The following PDE6A variants were observed in gnomAD, a reference collection of about 807,000 sequenced individuals.
PDE6A encodes the protein phosphodiesterase 6A.
In PDE6A, 84 loss-of-function variants were observed where a neutral mutation model predicts 106.3. That is an observed-to-expected ratio of 0.79 (90% CI 0.66 to 0.95). The LOEUF is 0.95. Ranked by LOEUF, PDE6A falls within the 40% of genes least tolerant of loss-of-function variation. The pLI is 0.00. For missense variants in PDE6A, 1,052 were observed against 1,084.9 expected, an observed-to-expected ratio of 0.97 and a Z score of 0.43; for synonymous variants, 394 against 386.6, an observed-to-expected ratio of 1.02 and a Z score of -0.23.
chr5:149,885,465 C>T (rs779819222), intron 14 of PDE6A, among the ~76,000 whole-genome samples: 2 of 152,234 alleles, frequency 1.3e-5, no homozygotes, highest in Non-Finnish European at 2.9e-5. Context: ...GGTTCAAGGA[C>T]TATGCTTTAT....
chr5:149,881,433 A>G (rs1581163030), intron 17 of PDE6A, among the ~76,000 whole-genome samples: 1 of 152,328 alleles, frequency 6.6e-6, no homozygotes, highest in East Asian at 1.9e-4. Context: ...GAACAAAATC[A>G]TAGCCTTTGC....
At chr5:149,923,513 CATAACATAACATAACATAACAT>C (rs1753783985) in intron 4 of PDE6A, among the ~76,000 whole-genome samples, 1 of 614 alleles carries the variant, frequency 1.6e-3, no homozygotes, top group East Asian at 0.029. Context: ...AATAACATAA[CATAACATAACATAACATAACAT>C]AACATAACAT....
At chr5:149,913,620 G>C (rs942489566) in intron 6 of PDE6A, among the ~76,000 whole-genome samples, 2 of 152,156 alleles carry the variant, frequency 1.3e-5, no homozygotes, top group African/African-American at 4.8e-5. Context: ...TTGGCATGCA[G>C]TAAATCCCTT....
In PDE6A at chr5:149,944,586, C is replaced by T. The variant is rs748769915; in HGVS notation, c.88G>A (p.Ala30Thr). 1.7e-5 allele frequency: 28 copies of T among 1,613,958 alleles called. No homozygotes were observed. The highest frequency in any genetic ancestry group is 1.1e-4 in the South Asian group (10 of 91,054). Residue 30 changes from alanine to threonine, a missense_variant, in exon 1 of 22, where the codon GCC becomes ACC. By Grantham distance (58) the Ala-to-Thr change is moderately conservative (BLOSUM62 0). This residue lies in a region of PDE6A where 913 missense variants were observed against 915.2 expected (regional missense o/e 1.00). Coordinates refer to ENST00000255266, the MANE Select transcript of PDE6A (RefSeq NM_000440.3). ...AKQYYNLHYR[A>T]KLISDLLGAK... ...CCAAGGAGGTCGGAGATGAGCTTGG[C>T]CCGGTAGTGGAGGTTGTAGTACTGT...
Position 149,899,502 on chromosome 5 carries a change from C to A in PDE6A, c.1136G>T (p.Gly379Val). Residue 379 changes from glycine to valine, a missense_variant, in exon 9 of 22, where the codon GGA becomes GTA. Around this residue, in one of 3 missense-constraint regions of PDE6A, gnomAD observed 913 missense variants for 915.2 expected, o/e 1.00. Transcript: ENST00000255266. ...TGAAAGCACATTTTTAATCATCCATCCAGACTCATCCAGAGGTTCTTTCTA... is the reference window on the plus strand; with the variant it reads ...TGAAAGCACATTTTTAATCATCCATACAGACTCATCCAGAGGTTCTTTCTA... Reference protein sequence around the residue: ...AFQKEPLDESGWMIKNVLSMP... With the variant: ...AFQKEPLDESVWMIKNVLSMP... The A allele has an allele frequency of 6.2e-7, 1 of 1,614,166 alleles. No homozygotes were observed. Among genetic ancestry groups the A allele is most frequent in the Non-Finnish European group, 8.5e-7 (1 of 1,180,008 alleles).
chr5:149,928,231 A>ATATTTTTTTTT lies in PDE6A; in HGVS notation c.858+2796_858+2797insAAAAAAAAATA. ...GTGCTATATATATATATATATATATATTTTTTTTTTTTTTTTTTTTGAGAC... is the reference window on the plus strand; with the variant it reads ...GTGCTATATATATATATATATATATATATTTTTTTTTTTTTTTTTTTTTTTTTTTTTGAGAC... On this transcript the variant is annotated intron_variant, in intron 4 of 21. Transcript: ENST00000255266. Among the ~76,000 whole-genome samples, 22 of 19,750 alleles carry ATATTTTTTTTT rather than the reference A, an allele frequency of 1.1e-3. 3 individuals carry two copies. The highest frequency in any genetic ancestry group is 9.1e-3 in the African/African-American group (19 of 2,094). 13.0% of individuals were successfully genotyped at this position (19,750 alleles called of 152,430 possible).
chr5:149,906,388 T>C (rs554289645), intron 7 of PDE6A, among the ~76,000 whole-genome samples: 2 of 151,278 alleles, frequency 1.3e-5, no homozygotes, highest in East Asian at 3.9e-4. Flanking sequence ...TAGCTGGGTG[T>C]GGTGGTGCAT....
intron 17 of PDE6A, among the ~76,000 whole-genome samples, chr5:149,875,979 T>G (rs1013532762): frequency 6.6e-6 from 1 of 152,232 alleles, no homozygotes; most frequent in Non-Finnish European, 1.5e-5. Flanking sequence ...TGTGCATATG[T>G]GTTTCTGTAT....
At chr5:149,919,738 A>G (rs1041964037) in intron 5 of PDE6A, among the ~76,000 whole-genome samples, 2 of 152,202 alleles carry the variant, frequency 1.3e-5, no homozygotes, top group Non-Finnish European at 2.9e-5. Flanking sequence ...TGAGCAGCTG[A>G]CACAAGGGGC....
chr5:149,895,373 C>T (rs1293771228), intron 12 of PDE6A, 83 bp from the exon 13 acceptor site: 13 of 882,904 alleles, frequency 1.5e-5, no homozygotes, highest in African/African-American at 1.6e-5. Flanking sequence ...ATGAAGAAGG[C>T]ATGGCCCATG....
At chr5:149,898,800 A>C (rs1752855116) in intron 9 of PDE6A, among the ~76,000 whole-genome samples, 1 of 152,250 alleles carries the variant, frequency 6.6e-6, no homozygotes, top group Non-Finnish European at 1.5e-5. Context: ...GGAACGCTGT[A>C]CTTTTTGCTC....
In PDE6A at chr5:149,868,172, A is replaced by G; in HGVS notation, c.2136-14T>C. On this transcript the variant is annotated splice_polypyrimidine_tract_variant and intron_variant, in intron 17 of 21. Coordinates refer to ENST00000255266, the MANE Select transcript of PDE6A (RefSeq NM_000440.3). Reference sequence around the variant, plus strand: ...ATCATCATGGCCCTGGGCACACAGGACACCCTCTATCAGTCCAGGGCCATT... The same window carrying G: ...ATCATCATGGCCCTGGGCACACAGGGCACCCTCTATCAGTCCAGGGCCATT... 1 of 1,613,560 alleles carries G rather than the reference A, an allele frequency of 6.2e-7. No homozygotes were observed. The highest frequency in any genetic ancestry group is 8.5e-7 in the Non-Finnish European group (1 of 1,179,484).
In PDE6A at chr5:149,921,698, A is replaced by C. The variant is rs140471904; in HGVS notation, c.870T>G (p.Asp290Glu). ...LDMTKQKEFF[D>E]VWPVLMGEVP... ...CTTCACCCATCAGAACCGGCCACAC[A>C]TCAAAAAATTCCTAGGAATGAGAAA... The change falls in exon 5 of 22, where the codon GAT becomes GAG. Residue 290 changes from aspartate (D) to glutamate (E), a missense_variant. By Grantham distance (45) the Asp-to-Glu change is conservative (BLOSUM62 2). Around this residue, in one of 3 missense-constraint regions of PDE6A, gnomAD observed 913 missense variants for 915.2 expected, o/e 1.00. Coordinates refer to ENST00000255266, the MANE Select transcript of PDE6A (RefSeq NM_000440.3). The C allele has an allele frequency of 1.7e-5, 27 of 1,613,632 alleles. No homozygotes were observed. The African/African-American group carries it at 3.1e-4, about 18-fold the overall frequency.
intron 13 of PDE6A, among the ~76,000 whole-genome samples, chr5:149,889,734 C>T (rs1005205016): frequency 1.3e-5 from 2 of 151,846 alleles, no homozygotes; most frequent in African/African-American, 2.4e-5. Flanking sequence ...GGTGAAATAT[C>T]GTCTCTACTA....
At chr5:149,938,944 G>A (rs773886506) in intron 1 of PDE6A, among the ~76,000 whole-genome samples, 9 of 152,120 alleles carry the variant, frequency 5.9e-5, no homozygotes, top group Non-Finnish European at 1.3e-4. Flanking sequence ...GGTGCTAAAG[G>A]TTGAGAGTAT....
At position 149,916,795 on chromosome 5, in the gene PDE6A, A is replaced by C. The variant is rs187127555; in HGVS notation, c.934-1788T>G. 7.9e-3 allele frequency among the ~76,000 whole-genome samples: 1,195 copies of C among 152,184 alleles called. 13 individuals carry two copies. The highest frequency in any genetic ancestry group is 0.028 in the African/African-American group (1,151 of 41,538). The stretch of plus-strand genomic sequence containing the variant: ...AGCAAGACAGTGAACCAAAATCAGA[A>C]CCTGGGTCCTTAATTCCCAGCTCAG... On this transcript the variant is annotated intron_variant, in intron 5 of 21. Transcript: ENST00000255266.
chr5:149,905,354 A>G (rs1341659749), intron 7 of PDE6A, among the ~76,000 whole-genome samples: 1 of 152,118 alleles, frequency 6.6e-6, no homozygotes, highest in African/African-American at 2.4e-5. Flanking sequence ...GATATCTTCC[A>G]AATCTCTGCT....
Position 149,941,959 on chromosome 5 carries a change from T to C in PDE6A, c.474+2241A>G, listed in dbSNP as rs369247610. 2.6e-5 allele frequency among the ~76,000 whole-genome samples: 4 copies of C among 152,132 alleles called. No homozygotes were observed. The East Asian group carries it at 7.7e-4, about 29-fold the overall frequency. ...CTTTCCTTGCCTTGCCTTGCCTTTC[T>C]TTTCCTTTCCTTTCCTTTTCTTGAC... On this transcript the variant is annotated intron_variant, in intron 1 of 21. Transcript: ENST00000255266.
chr5:149,861,012 G>A, intron 21 of PDE6A, 41 bp from the exon 22 acceptor site: 3 of 1,555,278 alleles, frequency 1.9e-6, no homozygotes, highest in Non-Finnish European at 2.7e-6. Context: ...GGTGACAAGA[G>A]GCTGCAGTGG....
Sources: gnomAD v4.1 joint callset for allele counts (sites outside exome capture counted in the v4.1 genomes callset) on GRCh38, gnomAD v4.1.1 for gene constraint, gnomAD v4.1.1 regional missense constraint, MANE v1.5 for transcripts, NCBI Gene and HGNC (gene_info 2026-07-23, HGNC 2026-07-21) for gene names.